The following ADARB2 variants were observed in gnomAD, a reference collection of about 807,000 sequenced individuals.
ADARB2 encodes the protein inactive double-stranded RNA-specific editase B2.
A neutral mutation model predicts 62.2 loss-of-function variants in ADARB2; 25 were observed. That is an observed-to-expected ratio of 0.40 (90% confidence interval 0.29 to 0.56). The LOEUF (loss-of-function observed/expected upper bound fraction) is 0.56. Ranked by LOEUF, ADARB2 falls within the 20% of genes least tolerant of loss-of-function variation. The pLI is 0.43. For synonymous variants in ADARB2, 572 were observed against 500.8 expected (o/e 1.14, Z -1.90); for missense variants, 1,071 against 1,077.4 (o/e 0.99, Z 0.08).
rs577692655 is a variant in ADARB2 at position 1,707,353 on chromosome 10, C to T, written c.100+29698G>A. Among the ~76,000 whole-genome samples the T allele has an allele frequency of 1.2e-4, 19 of 152,336 alleles. No homozygotes were observed. The East Asian group carries it at 1.7e-3, about 14-fold the overall frequency. ...CGGGGCTTCAAATCCTCATGCACCC[C>T]GTTTTCCAGAATTTTCTGTGAACGT... On this transcript the variant is annotated intron_variant, in intron 1 of 9. Transcript: ENST00000381312.
rs149714548 is a variant in ADARB2, at chr10:1,580,677, G to A, written c.100+156374C>T. Among the ~76,000 whole-genome samples, 35 of 152,216 alleles carry A rather than the reference G, an allele frequency of 2.3e-4. 1 individual carries two copies. The East Asian group carries it at 5.0e-3, about 22-fold the overall frequency. ...GTTGAACCTTCTATGGGCTTGGACC[G>A]GTGGAGAGTGTCTTGGATCCACATT... On this transcript the variant is annotated intron_variant, in intron 1 of 9. Coordinates refer to ENST00000381312, the MANE Select transcript of ADARB2 (RefSeq NM_018702.4).
chr10:1,632,591 G>A (rs1327167717), intron 1 of ADARB2, among the ~76,000 whole-genome samples: 3 of 152,332 alleles, frequency 2.0e-5, no homozygotes, highest in South Asian at 2.1e-4. Context: ...TGTCCATGAC[G>A]GTTCTCCAAG....
intron 1 of ADARB2, among the ~76,000 whole-genome samples, chr10:1,548,855 C>A (rs529731789): frequency 6.6e-6 from 1 of 152,266 alleles, no homozygotes; most frequent in East Asian, 1.9e-4. Flanking sequence ...GTGACCTGGG[C>A]TGACAGTTTT....
chr10:1,587,978 T>C (rs1219007223), intron 1 of ADARB2, among the ~76,000 whole-genome samples: 1 of 152,186 alleles, frequency 6.6e-6, no homozygotes, highest in East Asian at 1.9e-4. Flanking sequence ...GTCCATTAAG[T>C]GTCTTTTTCT....
intron 7 of ADARB2, among the ~76,000 whole-genome samples, chr10:1,204,493 G>A (rs765579046): frequency 1.3e-5 from 2 of 152,232 alleles, no homozygotes; most frequent in Non-Finnish European, 2.9e-5. Context: ...GCCTGACCAT[G>A]GGTCCCACAG....
chr10:1,712,644 T>A (rs1834963058), intron 1 of ADARB2, among the ~76,000 whole-genome samples: 1 of 630 alleles, frequency 1.6e-3, no homozygotes, highest in Non-Finnish European at 3.8e-3. Context: ...TCTCCCTCTG[T>A]CCCCCAGGGA....
chr10:1,222,569 A>T (rs1194068654), intron 6 of ADARB2, among the ~76,000 whole-genome samples: 2 of 149,162 alleles, frequency 1.3e-5, no homozygotes, highest in Admixed American at 6.6e-5. Context: ...TAAGTCTTTA[A>T]TCCATCTTGA....
At chr10:1,197,404 C>T (rs1408927164) in intron 8 of ADARB2, among the ~76,000 whole-genome samples, 2 of 152,214 alleles carry the variant, frequency 1.3e-5, no homozygotes, top group African/African-American at 2.4e-5. Flanking sequence ...TATGTGACTT[C>T]ACATTTCAGT....
chr10:1,535,709 G>C (rs188070346), intron 1 of ADARB2: 1 of 167,002 alleles, frequency 6.0e-6, no homozygotes, highest in Non-Finnish European at 1.5e-5. Flanking sequence ...GGACTCTGTC[G>C]ACATAACTCA....
At position 1,180,059 on chromosome 10, in the gene ADARB2, G is replaced by A. The variant is rs1836647781; in HGVS notation, c.*3134C>T. 6.6e-6 allele frequency: 1 copy of A among 152,178 alleles called. No individual in the cohort carries two copies. Among genetic ancestry groups the A allele is most frequent in the African/African-American group, 2.4e-5 (1 of 41,412 alleles). 9.4% of individuals were successfully genotyped at this position (152,178 alleles called of 1,614,324 possible). On this transcript the variant is annotated 3_prime_UTR_variant, in exon 10 of 10. Transcript: ENST00000381312. ...ACCAATTCAGTGGTCAAAACTGCAG[G>A]GCAGACATGGCCTGAAAGTGGTGCT...
chr10:1,267,173 G>C (rs1295130723), intron 4 of ADARB2, among the ~76,000 whole-genome samples: 1 of 151,614 alleles, frequency 6.6e-6, no homozygotes, highest in African/African-American at 2.4e-5. Flanking sequence ...TCCCGGGTAG[G>C]TGTGGGTGCT....
intron 1 of ADARB2, among the ~76,000 whole-genome samples, chr10:1,717,156 CTTTTTTT>C (rs397969884): frequency 1.6e-5 from 1 of 63,272 alleles, no homozygotes; most frequent in East Asian, 5.5e-4. Context: ...TTGTAGTGTG[CTTTTTTT>C]TTTTTTTTTT....
intron 1 of ADARB2, among the ~76,000 whole-genome samples, chr10:1,386,192 C>T (rs1034668837): frequency 3.3e-5 from 5 of 151,230 alleles, no homozygotes; most frequent in African/African-American, 1.2e-4. Context: ...GCTAAAAAGT[C>T]AACAGAGAAG....
intron 3 of ADARB2, among the ~76,000 whole-genome samples, chr10:1,297,842 C>T (rs943236798): frequency 1.3e-5 from 2 of 152,184 alleles, no homozygotes; most frequent in Non-Finnish European, 2.9e-5. Context: ...GCAGCCGCAG[C>T]CCGGGGCAGA....
At chr10:1,409,695 T>C (rs1243855792) in intron 1 of ADARB2, among the ~76,000 whole-genome samples, 1 of 114,372 alleles carries the variant, frequency 8.7e-6, no homozygotes, top group East Asian at 2.8e-4. Flanking sequence ...GGATTCTCAG[T>C]GGTGCTGAGG....
chr10:1,343,106 A>G (rs1832045086), intron 3 of ADARB2, among the ~76,000 whole-genome samples: 1 of 152,240 alleles, frequency 6.6e-6, no homozygotes, highest in South Asian at 2.1e-4. Flanking sequence ...TATACACAAG[A>G]CATGAAGTTA....
At chr10:1,484,658 A>G (rs1204794956) in intron 1 of ADARB2, among the ~76,000 whole-genome samples, 1 of 152,178 alleles carries the variant, frequency 6.6e-6, no homozygotes, top group Non-Finnish European at 1.5e-5. Flanking sequence ...GCCTTTCTGC[A>G]TAGGTAGGTG....
rs75169873 is a variant in ADARB2, at chr10:1,488,982, G to T, written c.101-109822C>A. 9.3e-3 allele frequency among the ~76,000 whole-genome samples: 1,415 copies of T among 152,360 alleles called. 22 individuals are homozygous for T. The highest frequency in any genetic ancestry group is 0.03 in the African/African-American group (1,238 of 41,580). ...GAAATTGGAAGGCATCCTCCACTAA[G>T]GTGAAGATGGATTGTGCAGCTTCAG... On this transcript the variant is annotated intron_variant, in intron 1 of 9. Coordinates refer to ENST00000381312, the MANE Select transcript of ADARB2 (RefSeq NM_018702.4).
intron 3 of ADARB2, among the ~76,000 whole-genome samples, chr10:1,321,109 AG>A (rs1831790599): frequency 6.6e-6 from 1 of 152,224 alleles, no homozygotes; most frequent in Non-Finnish European, 1.5e-5. Flanking sequence ...GTTAAAAACC[AG>A]TATAAATAAT....
Sources: allele counts gnomAD v4.1 joint callset (sites outside exome capture counted in the v4.1 genomes callset), GRCh38; gene constraint gnomAD v4.1.1; transcripts MANE v1.5; gene names NCBI Gene and HGNC (gene_info 2026-07-23, HGNC 2026-07-21).